PUM2: variants seen among roughly 807,000 people sequenced by gnomAD.
PUM2 encodes pumilio RNA binding family member 2, also known as pumilio homolog 2.
In PUM2, 57 loss-of-function variants were observed where a neutral mutation model predicts 124.5. The observed-to-expected ratio is 0.46, with a 90% confidence interval of 0.37 to 0.57. The LOEUF (loss-of-function observed/expected upper bound fraction) is 0.57. PUM2 is among the 20% of genes least tolerant of loss of function. The probability of loss-of-function intolerance (pLI) is 0.00; values close to 1 mark genes in which losing one functional copy is unlikely to be tolerated. For missense variants in PUM2, 1,065 were observed against 1,290.6 expected (o/e 0.83, Z 2.68); for synonymous variants, 460 against 446.1 (o/e 1.03, Z -0.39).
At chr2:20,308,804 T>TCCCTTC (rs1236457968) in intron 5 of PUM2, among the ~76,000 whole-genome samples, 2 of 152,120 alleles carry the variant, frequency 1.3e-5, no homozygotes, top group African/African-American at 4.8e-5. Flanking sequence ...TAATGATTAC[T>TCCCTTC]CCCTTCAATC....
chr2:20,277,530 T>C (rs1212816759), intron 13 of PUM2, among the ~76,000 whole-genome samples: 2 of 152,138 alleles, frequency 1.3e-5, no homozygotes, highest in South Asian at 4.1e-4. Context: ...GCCCAGTGTG[T>C]GTGCAATAAT....
At chr2:20,342,814 A>C (rs537916849) in intron 1 of PUM2, among the ~76,000 whole-genome samples, 39 of 152,240 alleles carry the variant, frequency 2.6e-4, no homozygotes, top group Non-Finnish European at 4.7e-4. Flanking sequence ...GGTTAACTTT[A>C]AAGTGAGATG....
chr2:20,297,797 T>C (rs1675992319), intron 7 of PUM2, 119 bp from the exon 8 acceptor site: 1 of 1,037,126 alleles, frequency 9.6e-7, no homozygotes, highest in Non-Finnish European at 1.4e-6. Context: ...AGAGTGTGCA[T>C]AATGGTTCAA....
At chr2:20,292,875 T>A (rs991159250) in intron 9 of PUM2, among the ~76,000 whole-genome samples, 3 of 151,948 alleles carry the variant, frequency 2.0e-5, no homozygotes, top group Non-Finnish European at 4.4e-5. Flanking sequence ...TGTGGTGAGC[T>A]GAGATCACTC....
At chr2:20,276,857 GA>G (rs1397503459) in intron 13 of PUM2, among the ~76,000 whole-genome samples, 1 of 152,052 alleles carries the variant, frequency 6.6e-6, no homozygotes, top group African/African-American at 2.4e-5. Context: ...TAAAATATCA[GA>G]TTTCAAGCTG....
chr2:20,276,240 T>C lies in PUM2; in HGVS notation c.1957+2343A>G, dbSNP rs998726898. Among the ~76,000 whole-genome samples, 5 of 146,400 alleles carry C rather than the reference T, an allele frequency of 3.4e-5. No individual in the cohort carries two copies. In the South Asian group the frequency reaches 6.5e-4, roughly 19 times the overall value. ...AAAATACATGTGTTGGTTATAAGCC[T>C]ATCTTAAAAAATGAAAACTTTTTTT... On this transcript the variant is annotated intron_variant, in intron 13 of 20. Coordinates refer to ENST00000361078, the MANE Select transcript of PUM2 (RefSeq NM_015317.5).
chr2:20,270,597 C>T (rs1184345615), intron 13 of PUM2, among the ~76,000 whole-genome samples: 1 of 152,128 alleles, frequency 6.6e-6, no homozygotes, highest in African/African-American at 2.4e-5. Flanking sequence ...ACTGTCAAAA[C>T]TTCATTTTCA....
In PUM2 at chr2:20,250,519, A is replaced by C. The variant is rs1663056057; in HGVS notation, c.*1066T>G. 1 of 152,406 alleles carries C rather than the reference A, an allele frequency of 6.6e-6. No individual in the cohort carries two copies. 9.4% of individuals were successfully genotyped at this position (152,406 alleles called of 1,614,324 possible). ...GCAAGGCTTTTATAATAAACATTGA[A>C]ACAAGATTTCCTTTCAAAGTGTAAA... On this transcript the variant is annotated 3_prime_UTR_variant, in exon 21 of 21. Coordinates refer to ENST00000361078, the MANE Select transcript of PUM2 (RefSeq NM_015317.5).
intron 19 of PUM2, among the ~76,000 whole-genome samples, 177 bp downstream of exon 19, chr2:20,254,686 A>G (rs1377661087): frequency 2.6e-5 from 4 of 152,154 alleles, no homozygotes; most frequent in Non-Finnish European, 5.9e-5. Flanking sequence ...GGGCAAAACA[A>G]ATTTGTTATG....
intron 13 of PUM2, among the ~76,000 whole-genome samples, chr2:20,266,404 C>A (rs1213509167): frequency 6.6e-6 from 1 of 151,262 alleles, no homozygotes; most frequent in African/African-American, 2.4e-5. Context: ...GAGATTGTGC[C>A]ACTGCACTCC....
In PUM2 at chr2:20,313,158, GGACTTCAT is replaced by G. The variant is rs376150382; in HGVS notation, c.161-743_161-736del. ...CCATTCAGGACATAGGAATGGGCAA[GGACTTCAT>G]GACTAAAACACCAAAAGCAATGGCA... On this transcript the variant is annotated intron_variant, in intron 3 of 20. Coordinates refer to ENST00000361078, the MANE Select transcript of PUM2 (RefSeq NM_015317.5). Among the ~76,000 whole-genome samples the G allele has an allele frequency of 3.4e-4, 52 of 152,304 alleles. No homozygotes were observed. In the South Asian group the frequency reaches 9.9e-3, roughly 29 times the overall value.
chr2:20,256,323 A>G (rs1349679990), intron 16 of PUM2, among the ~76,000 whole-genome samples, 153 bp from the exon 17 acceptor site: 1 of 152,210 alleles, frequency 6.6e-6, no homozygotes, highest in African/African-American at 2.4e-5. Context: ...TATATTCACA[A>G]ATATTATTTC....
intron 1 of PUM2, among the ~76,000 whole-genome samples, chr2:20,336,231 G>A (rs1685990564): frequency 6.6e-6 from 1 of 151,898 alleles, no homozygotes; most frequent in African/African-American, 2.4e-5. Flanking sequence ...CTATTGCCCA[G>A]GATGGAGTGC....
chr2:20,345,136 G>A (rs1688009727), intron 1 of PUM2, among the ~76,000 whole-genome samples: 1 of 136,408 alleles, frequency 7.3e-6, no homozygotes, highest in Non-Finnish European at 1.5e-5. Flanking sequence ...GCCTCCCTCT[G>A]TCGCCCAGTC....
chr2:20,304,878 AT>A (rs1677847482), intron 7 of PUM2, among the ~76,000 whole-genome samples: 1 of 152,330 alleles, frequency 6.6e-6, no homozygotes, highest in Admixed American at 6.5e-5. Flanking sequence ...CTATTTTTTA[AT>A]TTTTAAAAAT....
chr2:20,351,308 T>G (rs1031719337), upstream of PUM2, among the ~76,000 whole-genome samples: 1 of 152,184 alleles, frequency 6.6e-6, no homozygotes, highest in Admixed American at 6.5e-5. Flanking sequence ...GGACGTTAAT[T>G]CAGGCCTTTA....
intron 1 of PUM2, among the ~76,000 whole-genome samples, chr2:20,343,780 C>CCTTGGGTTGGGTTGGG (rs1687675394): frequency 6.6e-6 from 1 of 152,044 alleles, no homozygotes; most frequent in African/African-American, 2.4e-5. Context: ...AACAAAATAA[C>CCTTGGGTTGGGTTGGG]TAGTTGGGTA....
chr2:20,290,845 T>TTTAC, intron 9 of PUM2, 55 bp from the exon 10 acceptor site: 3 of 1,340,582 alleles, frequency 2.2e-6, no homozygotes, highest in Non-Finnish European at 3.0e-6. Flanking sequence ...GATAAGTAAA[T>TTTAC]TTATCTTGGA....
chr2:20,264,030 A>C lies in PUM2; in HGVS notation c.1958-570T>G, dbSNP rs146678938. On this transcript the variant is annotated intron_variant, in intron 13 of 20. Transcript: ENST00000361078. ...ATTATACACTATTTTAAGATTTTAA[A>C]ATTTTTATTTAAAATATTTGACATA... 4.9e-3 allele frequency among the ~76,000 whole-genome samples: 744 copies of C among 152,096 alleles called. 6 individuals are homozygous for C. Among genetic ancestry groups the C allele is most frequent in the African/African-American group, 0.016 (668 of 41,464 alleles).
Sources: allele counts gnomAD v4.1 joint callset (sites outside exome capture counted in the v4.1 genomes callset), GRCh38; gene constraint gnomAD v4.1.1; transcripts MANE v1.5; gene names NCBI Gene and HGNC (gene_info 2026-07-23, HGNC 2026-07-21).